GNL3L: variants seen among roughly 807,000 people sequenced by gnomAD.
GNL3L encodes guanine nucleotide-binding protein-like 3-like protein.
A neutral mutation model predicts 42.9 loss-of-function variants in GNL3L; 4 were observed. The ratio of observed to expected loss-of-function variants is 0.09; its 90% CI spans 0.05 to 0.21. The LOEUF is 0.21. Ranked by LOEUF, GNL3L falls within the 10% of genes least tolerant of loss-of-function variation. GNL3L has a pLI of 1.00. For synonymous variants in GNL3L, 159 were observed against 176.3 expected (o/e 0.90, Z 0.78); for missense variants, 412 against 481.7 (o/e 0.86, Z 1.36).
chrX:54,537,969 A>C (rs1924492828), intron 2 of GNL3L, among the ~76,000 whole-genome samples: 1 of 111,036 alleles, frequency 9.0e-6, no homozygotes, highest in Admixed American at 9.7e-5. Context: ...AGTTCCTTTG[A>C]AGTATCTTCT....
chrX:54,580,913 C>A (rs1337047914), intron 16 of GNL3L, among the ~76,000 whole-genome samples: 1 of 111,064 alleles, frequency 9.0e-6, no homozygotes, highest in Non-Finnish European at 1.9e-5. Flanking sequence ...CCCGAGTAGC[C>A]AGGACTACAG....
intron 13 of GNL3L, 79 bp from the exon 14 acceptor site, chrX:54,554,486 C>A: frequency 9.6e-7 from 1 of 1,040,257 alleles, no homozygotes; most frequent in Non-Finnish European, 1.3e-6. Flanking sequence ...ATCCATGTAT[C>A]CTTTTCACTG....
At chrX:54,631,434 T>A in the GNL3L span, among the ~76,000 whole-genome samples, 44 of 110,892 alleles carry the variant, frequency 4.0e-4, no homozygotes, top group Non-Finnish European at 7.0e-4. Context: ...TTTATAAATT[T>A]GGGAGCACTT....
At chrX:54,532,916 C>T (rs192207557) in intron 2 of GNL3L, among the ~76,000 whole-genome samples, 2 of 112,006 alleles carry the variant, frequency 1.8e-5, no homozygotes, top group East Asian at 5.6e-4. Context: ...ACGTCGGCCT[C>T]CCAAAGTGCT....
At chrX:54,550,205 CGA>C (rs58576849) in intron 9 of GNL3L, among the ~76,000 whole-genome samples, 1,539 of 90,399 alleles carry the variant, frequency 0.017, 20 homozygotes, top group African/African-American at 0.052. Context: ...TGGGAATGAC[CGA>C]GAGAGAGAGA....
chrX:54,607,018 TTC>T (rs1926078346), intron 16 of GNL3L, among the ~76,000 whole-genome samples: 1 of 52,691 alleles, frequency 1.9e-5, no homozygotes, highest in Non-Finnish European at 2.9e-5. Flanking sequence ...CTTTCTTTCT[TTC>T]TTTCTTTCTT....
the GNL3L span, among the ~76,000 whole-genome samples, chrX:54,642,488 G>A: frequency 9.0e-6 from 1 of 111,075 alleles, no homozygotes; most frequent in Non-Finnish European, 1.9e-5. Context: ...ACACGCCAAG[G>A]TTGTTCTCAC....
intron 16 of GNL3L, among the ~76,000 whole-genome samples, chrX:54,606,928 A>G (rs1354023019): frequency 9.1e-6 from 1 of 110,252 alleles, no homozygotes; most frequent in Non-Finnish European, 1.9e-5. Context: ...GGTGTAAGTC[A>G]CCATGCCTGA....
rs1404689639 is a variant in GNL3L, at chrX:54,551,640, C to A, written c.936C>A (p.Asn312Lys). 2 of 1,208,945 alleles carry A rather than the reference C, an allele frequency of 1.7e-6. No homozygotes were observed. Among genetic ancestry groups the A allele is most frequent in the African/African-American group, 3.5e-5 (2 of 57,273 alleles). The stretch of plus-strand genomic sequence containing the variant: ...CTCCAGGCATTGTCCCAGGGCCCAA[C>A]TCAGAGGTGGGCACCATCCTGCGTA... ...LDAPGIVPGP[N>K]SEVGTILRNC... The change falls in exon 11 of 16, where the codon AAC becomes AAA. Residue 312 changes from asparagine (N) to lysine (K), a missense_variant. Coordinates refer to ENST00000360845, the MANE Select transcript of GNL3L (RefSeq NM_001184819.2).
intron 16 of GNL3L, among the ~76,000 whole-genome samples, chrX:54,594,539 G>T (rs1925908391): frequency 9.7e-6 from 1 of 102,990 alleles, no homozygotes. Context: ...AGATCATTGG[G>T]CCTTTTTTTT....
intron 16 of GNL3L, among the ~76,000 whole-genome samples, chrX:54,600,595 T>C (rs1300101218): frequency 9.1e-6 from 1 of 110,307 alleles, no homozygotes; most frequent in Non-Finnish European, 1.9e-5. Flanking sequence ...ACTGCTTCAT[T>C]ACTGCCAGAT....
chrX:54,607,064 C>CTT (rs1472865630), intron 16 of GNL3L, among the ~76,000 whole-genome samples: 1 of 42,116 alleles, frequency 2.4e-5, no homozygotes, highest in Non-Finnish European at 4.2e-5. Context: ...TTCTTTCTTT[C>CTT]TTTCTTTCTC....
chrX:54,614,376 C>A (rs1428285122), intron 16 of GNL3L, among the ~76,000 whole-genome samples: 1 of 111,371 alleles, frequency 9.0e-6, no homozygotes, highest in Non-Finnish European at 1.9e-5. Flanking sequence ...GGGCTTGGTT[C>A]TTCCCCTGCT....
intron 16 of GNL3L, among the ~76,000 whole-genome samples, chrX:54,573,044 C>T (rs1304244843): frequency 2.8e-5 from 3 of 108,923 alleles, no homozygotes; most frequent in African/African-American, 6.7e-5. Context: ...CGGGCAGAGA[C>T]GCTCCTCACT....
At chrX:54,614,928 C>T (rs376187704) in intron 16 of GNL3L, among the ~76,000 whole-genome samples, 1 of 111,140 alleles carries the variant, frequency 9.0e-6, no homozygotes, top group Non-Finnish European at 1.9e-5. Flanking sequence ...TCTTGCCCTC[C>T]GTCCGCCATG....
intron 16 of GNL3L, among the ~76,000 whole-genome samples, chrX:54,595,742 C>T (rs906235498): frequency 9.0e-6 from 1 of 111,192 alleles, no homozygotes; most frequent in Non-Finnish European, 1.9e-5. Context: ...TTTCTTTTGT[C>T]TCCTCTGTGT....
At chrX:54,590,792 A>C (rs1359099840) in intron 16 of GNL3L, among the ~76,000 whole-genome samples, 3 of 109,034 alleles carry the variant, frequency 2.8e-5, no homozygotes, top group Admixed American at 1.9e-4. Flanking sequence ...TTTAGGTCTT[A>C]GATTTATTTA....
At chrX:54,629,741 C>T in the GNL3L span, among the ~76,000 whole-genome samples, 1 of 111,015 alleles carries the variant, frequency 9.0e-6, no homozygotes, top group South Asian at 3.8e-4. Flanking sequence ...TATGTCCTCT[C>T]CTGGTTTTGG....
chrX:54,572,657 G>A (rs750654317), intron 16 of GNL3L, among the ~76,000 whole-genome samples: 115 of 108,083 alleles, frequency 1.1e-3, no homozygotes, highest in African/African-American at 3.5e-3. Flanking sequence ...CCTCCCTCCC[G>A]GATGGGCGGC....
Sources: allele counts gnomAD v4.1 joint callset (sites outside exome capture counted in the v4.1 genomes callset), GRCh38; gene constraint gnomAD v4.1.1; transcripts MANE v1.5; gene names NCBI Gene and HGNC (gene_info 2026-07-23, HGNC 2026-07-21).